Variants in CDH12 observed in about 807,000 individuals in gnomAD.
The protein encoded by CDH12 is cadherin 12.
In CDH12, 41 loss-of-function variants were observed where a neutral mutation model predicts 74.1. The ratio of observed to expected loss-of-function variants is 0.55; its 90% CI spans 0.43 to 0.72. The LOEUF (loss-of-function observed/expected upper bound fraction) is 0.72. Among genes scored for constraint, CDH12 ranks in the 30% least tolerant of loss-of-function variants. The pLI is 0.00. For synonymous variants in CDH12, 399 were observed against 355.0 expected (o/e 1.12, Z -1.39); for missense variants, 945 against 977.2 (o/e 0.97, Z 0.44).
At chr5:22,027,833 T>C (rs963045108) in intron 5 of CDH12, among the ~76,000 whole-genome samples, 2 of 152,188 alleles carry the variant, frequency 1.3e-5, no homozygotes, top group African/African-American at 4.8e-5. Context: ...GCTCTGATTT[T>C]AGTTATTTCT....
At chr5:22,085,800 ATTTT>A (rs1743024266) in intron 4 of CDH12, among the ~76,000 whole-genome samples, 1 of 152,192 alleles carries the variant, frequency 6.6e-6, no homozygotes, top group Non-Finnish European at 1.5e-5. Context: ...TGAAAACATT[ATTTT>A]ATTTGACTTA....
intron 4 of CDH12, among the ~76,000 whole-genome samples, chr5:22,187,559 C>T (rs1334464112): frequency 6.7e-6 from 1 of 148,784 alleles, no homozygotes; most frequent in Admixed American, 6.7e-5. Flanking sequence ...TCATTGTGAC[C>T]ACGAATGCAT....
chr5:21,759,447 A>T (rs1348403709), intron 13 of CDH12, among the ~76,000 whole-genome samples: 1 of 137,952 alleles, frequency 7.2e-6, no homozygotes, highest in East Asian at 1.9e-4. Flanking sequence ...GTATAAGTGT[A>T]AACCATGATG....
intron 1 of CDH12, among the ~76,000 whole-genome samples, chr5:22,851,944 C>A (rs1287382893): frequency 1.3e-5 from 2 of 152,190 alleles, no homozygotes; most frequent in African/African-American, 2.4e-5. Flanking sequence ...TATAACCTTA[C>A]AACTGCTCAG....
intron 2 of CDH12, among the ~76,000 whole-genome samples, chr5:22,410,730 A>G (rs1390413629): frequency 6.6e-6 from 1 of 152,112 alleles, no homozygotes; most frequent in Non-Finnish European, 1.5e-5. Context: ...CAATTTCAAT[A>G]AAGAACATAA....
At chr5:22,254,699 T>G (rs370674281) in intron 3 of CDH12, among the ~76,000 whole-genome samples, 18 of 151,764 alleles carry the variant, frequency 1.2e-4, no homozygotes, top group East Asian at 3.9e-4. Flanking sequence ...GTATATATAA[T>G]TATACATATT....
At chr5:22,411,338 T>A (rs1028507420) in intron 2 of CDH12, among the ~76,000 whole-genome samples, 2 of 151,950 alleles carry the variant, frequency 1.3e-5, no homozygotes, top group African/African-American at 2.4e-5. Flanking sequence ...ATCATCATTT[T>A]AATTTTATGG....
At chr5:22,411,565 T>C (rs1330001770) in intron 2 of CDH12, among the ~76,000 whole-genome samples, 2 of 152,032 alleles carry the variant, frequency 1.3e-5, no homozygotes. Context: ...TTTCACTATA[T>C]TTCAACATTA....
chr5:22,381,531 T>G (rs1173633705), intron 3 of CDH12, among the ~76,000 whole-genome samples: 2 of 152,028 alleles, frequency 1.3e-5, no homozygotes, highest in Non-Finnish European at 1.5e-5. Context: ...TTTATTCCTA[T>G]GCGATTTCTC....
At position 22,828,900 on chromosome 5, in the gene CDH12, G is replaced by A. The variant is rs1329331412; in HGVS notation, c.-523+24158C>T. ...ATTCATATCTCCATTCACTTAACAG[G>A]TATTTTATTGATTACTCACATATGC... On this transcript the variant is annotated intron_variant, in intron 1 of 14. Transcript: ENST00000382254. Among the ~76,000 whole-genome samples, 9 of 152,154 alleles carry A rather than the reference G, an allele frequency of 5.9e-5. No individual in the cohort carries two copies. In the South Asian group the frequency reaches 8.3e-4, roughly 14 times the overall value.
intron 2 of CDH12, among the ~76,000 whole-genome samples, chr5:22,434,872 C>T (rs1744314741): frequency 6.6e-6 from 1 of 152,110 alleles, no homozygotes; most frequent in South Asian, 2.1e-4. Flanking sequence ...TTCCTTCCTT[C>T]CTATTGAAAT....
At chr5:22,852,616 A>G (rs950334140) in intron 1 of CDH12, among the ~76,000 whole-genome samples, 2 of 152,204 alleles carry the variant, frequency 1.3e-5, no homozygotes, top group Admixed American at 1.3e-4. Flanking sequence ...CATAAATTTC[A>G]GCGTCAGTGG....
At chr5:22,249,536 T>C (rs949562930) in intron 3 of CDH12, among the ~76,000 whole-genome samples, 2 of 152,214 alleles carry the variant, frequency 1.3e-5, no homozygotes, top group Non-Finnish European at 2.9e-5. Flanking sequence ...CTCAAGGAGC[T>C]GGTTTACTTT....
At chr5:22,823,913 G>A (rs187387460) in intron 1 of CDH12, among the ~76,000 whole-genome samples, 13 of 152,216 alleles carry the variant, frequency 8.5e-5, no homozygotes, top group Non-Finnish European at 1.8e-4. Context: ...CCCAGTCTCA[G>A]GAAGTTCTTT....
chr5:21,840,475 T>A (rs1200731709), intron 8 of CDH12, among the ~76,000 whole-genome samples: 1 of 151,914 alleles, frequency 6.6e-6, no homozygotes, highest in East Asian at 1.9e-4. Flanking sequence ...AAGCTACCAA[T>A]GACTTTCTTC....
intron 4 of CDH12, among the ~76,000 whole-genome samples, chr5:22,182,067 T>G (rs192782972): frequency 7.9e-5 from 12 of 152,208 alleles, no homozygotes; most frequent in Non-Finnish European, 1.8e-4. Flanking sequence ...GCCCTATAAT[T>G]AGTTTTCTTT....
intron 1 of CDH12, among the ~76,000 whole-genome samples, chr5:22,661,067 C>T (rs1165202161): frequency 2.6e-5 from 4 of 151,986 alleles, no homozygotes; most frequent in East Asian, 1.9e-4. Context: ...ATGTGGATTT[C>T]GGCTTCCCAG....
At chr5:21,882,569 T>C (rs775925080) in intron 6 of CDH12, 264 of 1,487,518 alleles carry the variant, frequency 1.8e-4, no homozygotes, top group Non-Finnish European at 2.3e-4. Flanking sequence ...GCGCATGCCC[T>C]GCAGCCGCCC....
At chr5:22,233,099 G>A (rs79067777) in intron 3 of CDH12, among the ~76,000 whole-genome samples, 1 of 151,256 alleles carries the variant, frequency 6.6e-6, no homozygotes, top group Non-Finnish European at 1.5e-5. Context: ...TACTTTTAAT[G>A]ATTTTAAAGG....
Sources: gnomAD v4.1 joint callset for allele counts (sites outside exome capture counted in the v4.1 genomes callset) on GRCh38, gnomAD v4.1.1 for gene constraint, MANE v1.5 for transcripts, NCBI Gene and HGNC (gene_info 2026-07-23, HGNC 2026-07-21) for gene names.